Variants in DGKG observed in about 807,000 individuals in gnomAD.
DGKG encodes the protein diacylglycerol kinase gamma, also known as DAG kinase gamma.
Under a neutral mutation model 105.3 loss-of-function variants are expected in DGKG, and 78 were observed. That is an observed-to-expected ratio of 0.74 (90% CI 0.62 to 0.89). The LOEUF (loss-of-function observed/expected upper bound fraction) is 0.89. DGKG is among the 40% of genes least tolerant of loss of function. The pLI is 0.00. For synonymous variants in DGKG, 346 were observed against 367.1 expected, an observed-to-expected ratio of 0.94 and a Z score of 0.66; for missense variants, 958 against 1,020.1, an observed-to-expected ratio of 0.94 and a Z score of 0.83.
At position 186,268,797 on chromosome 3, in the gene DGKG, C is replaced by T; in HGVS notation, c.1116+4G>A. The T allele has an allele frequency of 1.2e-6, 2 of 1,607,006 alleles. No individual in the cohort carries two copies. The highest frequency in any genetic ancestry group is 8.5e-7 in the Non-Finnish European group (1 of 1,174,458). On this transcript the variant is annotated splice_donor_region_variant and intron_variant, in intron 12 of 24. Coordinates refer to ENST00000265022, the MANE Select transcript of DGKG (RefSeq NM_001346.3). ...AAGCAGGGCCGCCCTGGGCGCCAACCCACCGTCATCCGGCACCACACGCAG... is the reference window on the plus strand; with the variant it reads ...AAGCAGGGCCGCCCTGGGCGCCAACTCACCGTCATCCGGCACCACACGCAG...
intron 1 of DGKG, among the ~76,000 whole-genome samples, chr3:186,332,806 G>C (rs1441904788): frequency 6.6e-6 from 1 of 152,114 alleles, no homozygotes; most frequent in East Asian, 1.9e-4. Flanking sequence ...AGGCCTTTAA[G>C]AGGTAATTGG....
rs55826465 is a variant in DGKG at position 186,297,068 on chromosome 3, T to TCACACACACACACACACACACACA, written c.373+329_373+352dup. On this transcript the variant is annotated intron_variant, in intron 5 of 24. Coordinates refer to ENST00000265022, the MANE Select transcript of DGKG (RefSeq NM_001346.3). Reference sequence around the variant, plus strand: ...CTCTCTGTCTGTCTGTCTGTCTCTCTCACACACACACACACACACACACAC... The same window carrying TCACACACACACACACACACACACA: ...CTCTCTGTCTGTCTGTCTGTCTCTCTCACACACACACACACACACACACACACACACACACACACACACACACAC... Among the ~76,000 whole-genome samples the TCACACACACACACACACACACACA allele has an allele frequency of 3.7e-3, 487 of 130,454 alleles. 2 individuals carry two copies. Among genetic ancestry groups the TCACACACACACACACACACACACA allele is most frequent in the Non-Finnish European group, 6.1e-3 (378 of 61,844 alleles). 85.6% of individuals were successfully genotyped at this position (130,454 alleles called of 152,430 possible).
At chr3:186,302,508 A>G (rs1478966250) in intron 3 of DGKG, among the ~76,000 whole-genome samples, 4 of 6,570 alleles carry the variant, frequency 6.1e-4, no homozygotes, top group Non-Finnish European at 9.9e-4. Flanking sequence ...ATATATATAC[A>G]TATGTGTATA....
chr3:186,356,629 G>T (rs1726974851), intron 1 of DGKG, among the ~76,000 whole-genome samples: 1 of 152,108 alleles, frequency 6.6e-6, no homozygotes, highest in Non-Finnish European at 1.5e-5. Context: ...GGACTCCCTT[G>T]AAATTTTGCA....
intron 21 of DGKG, among the ~76,000 whole-genome samples, chr3:186,201,605 A>G (rs1718467505): frequency 6.6e-6 from 1 of 152,194 alleles, no homozygotes; most frequent in Non-Finnish European, 1.5e-5. Context: ...CTCACTGCGC[A>G]GTTAGGAGAA....
At chr3:186,236,670 T>C (rs569765753) in intron 20 of DGKG, among the ~76,000 whole-genome samples, 30 of 152,358 alleles carry the variant, frequency 2.0e-4, no homozygotes, top group Non-Finnish European at 4.1e-4. Context: ...GAGCCCCTCA[T>C]CAGTGACTCC....
intron 9 of DGKG, among the ~76,000 whole-genome samples, chr3:186,276,897 A>G (rs1184615472): frequency 6.6e-6 from 1 of 152,198 alleles, no homozygotes; most frequent in East Asian, 1.9e-4. Flanking sequence ...GTGCGTATGC[A>G]TTTGGGCTGG....
intron 10 of DGKG, among the ~76,000 whole-genome samples, chr3:186,274,217 T>C (rs933623800): frequency 1.3e-5 from 2 of 152,170 alleles, no homozygotes; most frequent in Non-Finnish European, 2.9e-5. Context: ...AGACAGGGTT[T>C]CACTCCGTCA....
Position 186,361,070 on chromosome 3 carries a change from G to A in DGKG, c.-249+876C>T, listed in dbSNP as rs1396357876. Among the ~76,000 whole-genome samples the A allele has an allele frequency of 1.3e-5, 2 of 152,180 alleles. No individual in the cohort carries two copies. The highest frequency in any genetic ancestry group is 3.9e-4 in the East Asian group (2 of 5,174). On this transcript the variant is annotated intron_variant, in intron 1 of 24. Coordinates refer to ENST00000265022, the MANE Select transcript of DGKG (RefSeq NM_001346.3). This position sits in a 1 kb window ranked among gnomAD's most constrained non-coding sequence, Gnocchi z 6.8. ...CCGCCGCGGGGGGCGACTGGGGGAGGGGTCTCGACCGCCACCCTGAGTTCC... is the reference window on the plus strand; with the variant it reads ...CCGCCGCGGGGGGCGACTGGGGGAGAGGTCTCGACCGCCACCCTGAGTTCC...
At chr3:186,281,412 T>C (rs1354677563) in intron 7 of DGKG, among the ~76,000 whole-genome samples, 1 of 152,168 alleles carries the variant, frequency 6.6e-6, no homozygotes, top group Admixed American at 6.5e-5. Flanking sequence ...AATGAGTCAG[T>C]GTTCTGAGAG....
intron 5 of DGKG, among the ~76,000 whole-genome samples, chr3:186,290,466 A>G (rs1170572400): frequency 6.6e-6 from 1 of 152,200 alleles, no homozygotes; most frequent in Non-Finnish European, 1.5e-5. Flanking sequence ...ATGGGCTAAC[A>G]GAGACCAGAT....
At chr3:186,263,042 G>A (rs1046324885) in intron 14 of DGKG, among the ~76,000 whole-genome samples, 2 of 151,648 alleles carry the variant, frequency 1.3e-5, no homozygotes, top group African/African-American at 4.8e-5. Flanking sequence ...CAGGAGAATC[G>A]CTTGAACCTG....
At chr3:186,213,544 G>C (rs1446991777) in intron 20 of DGKG, among the ~76,000 whole-genome samples, 1 of 152,196 alleles carries the variant, frequency 6.6e-6, no homozygotes, top group Admixed American at 6.5e-5. Flanking sequence ...AGTGATTTAG[G>C]GTTAGGGCCC....
chr3:186,353,664 C>CTA (rs1726758804), intron 1 of DGKG, among the ~76,000 whole-genome samples: 1 of 134,264 alleles, frequency 7.4e-6, no homozygotes. Flanking sequence ...ATGTCTATAT[C>CTA]TATATCTATA....
chr3:186,285,216 A>T (rs1723008234), intron 6 of DGKG, among the ~76,000 whole-genome samples: 1 of 152,246 alleles, frequency 6.6e-6, no homozygotes, highest in Admixed American at 6.5e-5. Context: ...TAGGATTATT[A>T]TGAAGATTAA....
chr3:186,175,825 A>T (rs1188574593), intron 22 of DGKG, among the ~76,000 whole-genome samples: 3 of 152,226 alleles, frequency 2.0e-5, no homozygotes, highest in African/African-American at 7.2e-5. Flanking sequence ...ATGGGAGAAA[A>T]ATGTTGGAAA....
At chr3:186,312,001 A>G (rs953899699) in intron 2 of DGKG, among the ~76,000 whole-genome samples, 1 of 140,710 alleles carries the variant, frequency 7.1e-6, no homozygotes, top group Non-Finnish European at 1.5e-5. Flanking sequence ...CTGTAGTCCC[A>G]GCTACTCGGG....
intron 14 of DGKG, among the ~76,000 whole-genome samples, chr3:186,263,393 C>T (rs1721878751): frequency 6.6e-6 from 1 of 151,796 alleles, no homozygotes; most frequent in Non-Finnish European, 1.5e-5. Context: ...ATGGTGAAAC[C>T]CCATCTCTAC....
intron 2 of DGKG, among the ~76,000 whole-genome samples, chr3:186,310,663 G>A (rs1014128634): frequency 1.3e-5 from 2 of 152,096 alleles, no homozygotes; most frequent in Admixed American, 6.5e-5. Flanking sequence ...GTCATCTGTG[G>A]GTCCAATAGT....
Sources: allele counts gnomAD v4.1 joint callset (sites outside exome capture counted in the v4.1 genomes callset), GRCh38; gene constraint gnomAD v4.1.1; non-coding constraint Gnocchi (gnomAD v3.1); transcripts MANE v1.5; gene names NCBI Gene and HGNC (gene_info 2026-07-23, HGNC 2026-07-21).